Variants in DLGAP2 observed in about 807,000 individuals in gnomAD.
DLGAP2 encodes disks large-associated protein 2.
DLGAP2 carries 26 observed loss-of-function variants against 100.3 expected under a neutral mutation model. That is an observed-to-expected ratio of 0.26 (90% CI 0.19 to 0.36). The LOEUF (loss-of-function observed/expected upper bound fraction) is 0.36, where lower values mean the gene tolerates loss of function less well. Among genes scored for constraint, DLGAP2 ranks in the 10% least tolerant of loss-of-function variants. The pLI is 1.00. For missense variants in DLGAP2, 1,858 were observed against 1,453.2 expected (o/e 1.28, Z -4.53); for synonymous variants, 886 against 630.1 (o/e 1.41, Z -6.08).
intron 2 of DLGAP2, among the ~76,000 whole-genome samples, chr8:1,060,525 C>T (rs1485500541): frequency 6.6e-6 from 1 of 152,224 alleles, no homozygotes; most frequent in East Asian, 1.9e-4. Flanking sequence ...TCCTGAGCGT[C>T]TCTTCTTAAA....
At chr8:956,797 C>G (rs909441931) in intron 2 of DLGAP2, among the ~76,000 whole-genome samples, 3 of 152,168 alleles carry the variant, frequency 2.0e-5, no homozygotes, top group Non-Finnish European at 2.9e-5. Flanking sequence ...TTTCCAGGTA[C>G]TTTAGTGCAC....
chr8:1,089,513 A>G (rs1338278906), intron 2 of DLGAP2, among the ~76,000 whole-genome samples: 2 of 152,178 alleles, frequency 1.3e-5, no homozygotes, highest in Admixed American at 6.5e-5. Context: ...CCAGGCCTTC[A>G]GCAACATCTC....
intron 3 of DLGAP2, among the ~76,000 whole-genome samples, chr8:1,286,603 G>A (rs1426821108): frequency 6.6e-6 from 1 of 152,156 alleles, no homozygotes; most frequent in Non-Finnish European, 1.5e-5. Flanking sequence ...ACCCTCCTCT[G>A]CTGCTGTAAT....
At chr8:1,139,159 C>T (rs1242958923) in intron 2 of DLGAP2, among the ~76,000 whole-genome samples, 1 of 152,208 alleles carries the variant, frequency 6.6e-6, no homozygotes, top group East Asian at 1.9e-4. Flanking sequence ...GGGATGTGGG[C>T]ATGGGTGGCC....
chr8:1,235,647 TCTCA>T (rs1798636856), intron 2 of DLGAP2, among the ~76,000 whole-genome samples: 1 of 81,432 alleles, frequency 1.2e-5, no homozygotes, highest in Non-Finnish European at 2.3e-5. Context: ...TCTAGTTCTC[TCTCA>T]CACAGAGCAT....
rs73172533 is a variant in DLGAP2 at position 1,432,787 on chromosome 8, C to G, written c.107-68579C>G. On this transcript the variant is annotated intron_variant, in intron 3 of 14. Transcript: ENST00000637795. ...GCAGGTTACGGGTGATTCCCGCGAT[C>G]GCGTGTTTGGATTAAACCAGGTTCA... is the stretch of plus-strand genomic sequence containing the variant. Among the ~76,000 whole-genome samples the G allele has an allele frequency of 2.1e-4, 32 of 152,166 alleles. 1 individual carries two copies. Among genetic ancestry groups the G allele is most frequent in the Admixed American group, 6.5e-5 (1 of 15,284 alleles).
intron 1 of DLGAP2, among the ~76,000 whole-genome samples, chr8:764,759 G>C (rs1168961213): frequency 6.6e-6 from 1 of 152,118 alleles, no homozygotes; most frequent in Non-Finnish European, 1.5e-5. Context: ...GTTGTGTAAG[G>C]GGCTCATAAC....
At chr8:1,254,568 C>T (rs1799128128) in intron 2 of DLGAP2, among the ~76,000 whole-genome samples, 1 of 152,158 alleles carries the variant, frequency 6.6e-6, no homozygotes, top group Non-Finnish European at 1.5e-5. Context: ...TGGGGAAAAT[C>T]ACGATCTATG....
intron 1 of DLGAP2, among the ~76,000 whole-genome samples, chr8:774,059 G>A (rs376668868): frequency 2.0e-5 from 3 of 152,270 alleles, no homozygotes; most frequent in South Asian, 4.1e-4. Flanking sequence ...GTGAGATGGT[G>A]TCTCATTGTG....
At chr8:1,531,544 G>C (rs187995348) in intron 4 of DLGAP2, among the ~76,000 whole-genome samples, 1 of 152,026 alleles carries the variant, frequency 6.6e-6, no homozygotes, top group Admixed American at 6.6e-5. Flanking sequence ...TTATTTACAG[G>C]AATCTTTTAA....
rs947320580 is a variant in DLGAP2, at chr8:1,020,620, C to T, written c.73+112654C>T. ...TTGTCAGGAGAACAGTCATTAACAG[C>T]GATGGTGGTGAGCACACTGGGACCT... On this transcript the variant is annotated intron_variant, in intron 2 of 14. Coordinates refer to ENST00000637795, the MANE Select transcript of DLGAP2 (RefSeq NM_001346810.2). 8.5e-5 allele frequency among the ~76,000 whole-genome samples: 13 copies of T among 152,184 alleles called. No homozygotes were observed. In the East Asian group the frequency reaches 1.3e-3, roughly 16 times the overall value.
chr8:786,366 C>G (rs934578828), intron 1 of DLGAP2, among the ~76,000 whole-genome samples: 2 of 152,194 alleles, frequency 1.3e-5, no homozygotes, highest in South Asian at 4.1e-4. Flanking sequence ...CGTGGTGCTT[C>G]TCATGCCTGC....
intron 2 of DLGAP2, among the ~76,000 whole-genome samples, chr8:976,687 A>G (rs1312474065): frequency 6.6e-6 from 1 of 152,260 alleles, no homozygotes; most frequent in African/African-American, 2.4e-5. Flanking sequence ...AATTCAGTGT[A>G]GAAAAGATGG....
At chr8:1,262,293 A>G (rs1457880310) in intron 3 of DLGAP2, 7 of 152,250 alleles carry the variant, frequency 4.6e-5, no homozygotes, top group African/African-American at 9.6e-5. Context: ...CATGATCTCA[A>G]TATGCAAATT....
At position 737,673 on chromosome 8, in the gene DLGAP2, CCTGCGGCGGCGA is replaced by C. The variant is rs1820352362; in HGVS notation, c.-134_-123del. 5.5e-6 allele frequency: 2 copies of C among 362,420 alleles called. No individual in the cohort carries two copies. Among genetic ancestry groups the C allele is most frequent in the South Asian group, 2.7e-4 (2 of 7,474 alleles). 22.5% of individuals were successfully genotyped at this position (362,420 alleles called of 1,614,324 possible). On this transcript the variant is annotated 5_prime_UTR_variant, in exon 1 of 15. Transcript: ENST00000637795. ...TCGAGCGCGGTCTGAGCGCGCGGCGCCTGCGGCGGCGAACGGACGGACGGACCGCGGACGGAC... is the reference window on the plus strand; with the variant it reads ...TCGAGCGCGGTCTGAGCGCGCGGCGCACGGACGGACGGACCGCGGACGGAC...
intron 2 of DLGAP2, among the ~76,000 whole-genome samples, chr8:970,622 C>G (rs895518105): frequency 3.3e-5 from 5 of 152,084 alleles, no homozygotes; most frequent in Non-Finnish European, 5.9e-5. Flanking sequence ...TTTTACAAAC[C>G]AAGGCTTTTT....
intron 2 of DLGAP2, among the ~76,000 whole-genome samples, chr8:985,107 G>T (rs1800448143): frequency 6.6e-6 from 1 of 152,214 alleles, no homozygotes; most frequent in Admixed American, 6.5e-5. Flanking sequence ...TATCTTGACA[G>T]TGATCATGCC....
At chr8:803,737 C>T (rs1352589267) in intron 1 of DLGAP2, among the ~76,000 whole-genome samples, 1 of 152,208 alleles carries the variant, frequency 6.6e-6, no homozygotes, top group Non-Finnish European at 1.5e-5. Context: ...ACTATTTTAG[C>T]CAGAGAAACG....
chr8:1,605,729 A>C (rs1014821710), intron 6 of DLGAP2, among the ~76,000 whole-genome samples: 6 of 152,224 alleles, frequency 3.9e-5, no homozygotes, highest in Admixed American at 3.3e-4. Flanking sequence ...CACAGCGTCC[A>C]TGATGGGGTG....
Sources: gnomAD v4.1 joint callset for allele counts (sites outside exome capture counted in the v4.1 genomes callset) on GRCh38, gnomAD v4.1.1 for gene constraint, MANE v1.5 for transcripts, NCBI Gene and HGNC (gene_info 2026-07-23, HGNC 2026-07-21) for gene names.